Variants in HPSE2 observed in about 807,000 individuals in gnomAD.
HPSE2 encodes the protein inactive heparanase-2.
HPSE2 carries 38 observed loss-of-function variants against 60.5 expected under a neutral mutation model. That is an observed-to-expected ratio of 0.63 (90% CI 0.48 to 0.82). HPSE2 has a LOEUF of 0.82. HPSE2 is among the 40% of genes least tolerant of loss of function. The pLI is 0.00. For missense variants in HPSE2, 713 were observed against 740.4 expected, an observed-to-expected ratio of 0.96 and a Z score of 0.43; for synonymous variants, 295 against 293.2, an observed-to-expected ratio of 1.01 and a Z score of -0.06.
At chr10:98,935,739 T>C (rs1346361382) in intron 3 of HPSE2, among the ~76,000 whole-genome samples, 1 of 144,306 alleles carries the variant, frequency 6.9e-6, no homozygotes, top group African/African-American at 2.8e-5. Context: ...TGTTGGGAGG[T>C]CTCACCCAGA....
At chr10:98,790,746 G>C (rs745694936) in intron 3 of HPSE2, among the ~76,000 whole-genome samples, 8 of 152,056 alleles carry the variant, frequency 5.3e-5, no homozygotes, top group Non-Finnish European at 1.0e-4. Context: ...CTGGAGTGTG[G>C]TCAGTATGTA....
chr10:98,600,905 G>GTGTGTGTATATA (rs1565002893), intron 9 of HPSE2, among the ~76,000 whole-genome samples: 12 of 23,056 alleles, frequency 5.2e-4, no homozygotes, highest in African/African-American at 8.9e-4. Context: ...ATATATATGT[G>GTGTGTGTATATA]TGTGTGTATA....
intron 5 of HPSE2, among the ~76,000 whole-genome samples, chr10:98,714,535 G>A (rs1310662946): frequency 6.6e-6 from 1 of 151,720 alleles, no homozygotes; most frequent in Non-Finnish European, 1.5e-5. Flanking sequence ...ATGTATTGGT[G>A]CTTCATTTCT....
At chr10:98,617,122 A>C (rs1945933547) in intron 8 of HPSE2, among the ~76,000 whole-genome samples, 1 of 152,230 alleles carries the variant, frequency 6.6e-6, no homozygotes, top group Admixed American at 6.5e-5. Context: ...ATGAAGAAAC[A>C]CATAATCACA....
intron 3 of HPSE2, among the ~76,000 whole-genome samples, chr10:98,984,101 C>G (rs1956276142): frequency 6.6e-6 from 1 of 152,208 alleles, no homozygotes; most frequent in African/African-American, 2.4e-5. Context: ...GCAAAAACAT[C>G]TGCAGACTTA....
chr10:99,120,767 C>T (rs185274198), intron 3 of HPSE2, among the ~76,000 whole-genome samples: 7 of 152,256 alleles, frequency 4.6e-5, no homozygotes, highest in African/African-American at 9.6e-5. Flanking sequence ...CCACCATGCT[C>T]GGCCAACCAT....
chr10:98,564,174 T>A (rs1189158056), intron 9 of HPSE2, among the ~76,000 whole-genome samples: 1 of 152,188 alleles, frequency 6.6e-6, no homozygotes, highest in Admixed American at 6.5e-5. Flanking sequence ...GTCCCCACTC[T>A]CTGCCTTTGC....
At chr10:98,665,028 G>T (rs1362890665) in intron 6 of HPSE2, among the ~76,000 whole-genome samples, 2 of 152,188 alleles carry the variant, frequency 1.3e-5, no homozygotes, top group Non-Finnish European at 2.9e-5. Context: ...GGAGAAAGTT[G>T]AAACCCAATC....
At chr10:98,519,420 C>T (rs1942712964) in intron 9 of HPSE2, among the ~76,000 whole-genome samples, 1 of 152,236 alleles carries the variant, frequency 6.6e-6, no homozygotes, top group Non-Finnish European at 1.5e-5. Context: ...CCCCTGTGGG[C>T]TTCAGCAAGC....
chr10:99,154,742 A>C, intron 2 of HPSE2, among the ~76,000 whole-genome samples: 1 of 151,466 alleles, frequency 6.6e-6, no homozygotes. Context: ...GATCAAATTC[A>C]CACATAACAA....
intron 3 of HPSE2, among the ~76,000 whole-genome samples, chr10:98,909,328 A>G (rs1953914156): frequency 6.6e-6 from 1 of 152,088 alleles, no homozygotes; most frequent in African/African-American, 2.4e-5. Context: ...ACTGGTATTC[A>G]AAAAAGTTTT....
At chr10:99,204,384 C>A (rs577287783) in intron 2 of HPSE2, among the ~76,000 whole-genome samples, 2 of 152,228 alleles carry the variant, frequency 1.3e-5, no homozygotes, top group Non-Finnish European at 2.9e-5. Context: ...TTCCCTGAAT[C>A]TCTGGACTGT....
intron 6 of HPSE2, among the ~76,000 whole-genome samples, chr10:98,687,912 T>C (rs1335672491): frequency 1.3e-5 from 2 of 152,240 alleles, no homozygotes; most frequent in Non-Finnish European, 2.9e-5. Context: ...TCTTTGCCTT[T>C]TAATTACACT....
intron 7 of HPSE2, among the ~76,000 whole-genome samples, chr10:98,640,952 G>A (rs1946622348): frequency 6.6e-6 from 1 of 152,216 alleles, no homozygotes; most frequent in Admixed American, 6.5e-5. Flanking sequence ...AGAAACTTTA[G>A]TGAGCACCAC....
At chr10:98,821,989 C>T (rs1471579800) in intron 3 of HPSE2, among the ~76,000 whole-genome samples, 1 of 152,124 alleles carries the variant, frequency 6.6e-6, no homozygotes, top group Non-Finnish European at 1.5e-5. Flanking sequence ...GAGCTGATAA[C>T]AATTGCATTT....
intron 3 of HPSE2, among the ~76,000 whole-genome samples, chr10:98,753,285 G>C (rs1932729): frequency 0.71 from 107,719 of 152,024 alleles, 39,200 homozygotes; most frequent in Non-Finnish European, 0.81. Context: ...AAATTGGAAC[G>C]CTTTGCATTG....
intron 3 of HPSE2, among the ~76,000 whole-genome samples, chr10:98,957,685 T>A (rs1245172701): frequency 6.6e-6 from 1 of 152,144 alleles, no homozygotes; most frequent in Non-Finnish European, 1.5e-5. Context: ...TCTCACTCTC[T>A]CTCTCCCGAC....
chr10:98,890,656 CAA>C (rs1162335610), intron 3 of HPSE2, among the ~76,000 whole-genome samples: 2 of 151,738 alleles, frequency 1.3e-5, no homozygotes, highest in African/African-American at 4.8e-5. Flanking sequence ...ACAAATGAAA[CAA>C]AACAAAAGAC....
At chr10:99,006,631 T>C (rs529741597) in intron 3 of HPSE2, among the ~76,000 whole-genome samples, 1 of 151,354 alleles carries the variant, frequency 6.6e-6, no homozygotes, top group South Asian at 2.1e-4. Flanking sequence ...AGCTTGGTGG[T>C]TTGGTCTATA....
Sources: gnomAD v4.1 joint callset for allele counts (sites outside exome capture counted in the v4.1 genomes callset) on GRCh38, gnomAD v4.1.1 for gene constraint, MANE v1.5 for transcripts, NCBI Gene and HGNC (gene_info 2026-07-23, HGNC 2026-07-21) for gene names.